Variants in CHFR observed in about 807,000 individuals in gnomAD.
The protein encoded by CHFR is E3 ubiquitin-protein ligase CHFR.
Under a neutral mutation model 87.6 loss-of-function variants are expected in CHFR, and 57 were observed. That is an observed-to-expected ratio of 0.65 (90% CI 0.53 to 0.81). The LOEUF (loss-of-function observed/expected upper bound fraction) is 0.81, where lower values mean the gene tolerates loss of function less well. CHFR is among the 30% of genes least tolerant of loss of function. The pLI is 0.00. For synonymous variants in CHFR, 381 were observed against 359.2 expected, an observed-to-expected ratio of 1.06 and a Z score of -0.69; for missense variants, 797 against 865.8, an observed-to-expected ratio of 0.92 and a Z score of 1.00.
rs926233150 is a variant in CHFR, at chr12:132,844,531, G to A, written c.1736-397C>T. Reference sequence around the variant, plus strand: ...GATCTCCTGACCTCGTGATCCACCCGCCTCGGCCTCCCAAAGTGCTGGGAT... The same window carrying A: ...GATCTCCTGACCTCGTGATCCACCCACCTCGGCCTCCCAAAGTGCTGGGAT... On this transcript the variant is annotated intron_variant, in intron 15 of 17. Coordinates refer to ENST00000450056, the MANE Select transcript of CHFR (RefSeq NM_001161346.2). Among the ~76,000 whole-genome samples the A allele has an allele frequency of 4.0e-5, 6 of 148,656 alleles. 1 individual carries two copies. The highest frequency in any genetic ancestry group is 2.0e-4 in the East Asian group (1 of 5,040).
intron 14 of CHFR, chr12:132,847,874 T>A: frequency 7.1e-7 from 1 of 1,409,778 alleles, no homozygotes; most frequent in Non-Finnish European, 9.2e-7. Context: ...AAAAACGAAA[T>A]ACCTATTTTT....
intron 2 of CHFR, among the ~76,000 whole-genome samples, chr12:132,885,530 A>C (rs1463374226): frequency 6.6e-6 from 1 of 152,148 alleles, no homozygotes; most frequent in Non-Finnish European, 1.5e-5. Flanking sequence ...AATAATCTTA[A>C]AGTTTTTGCT....
intron 6 of CHFR, among the ~76,000 whole-genome samples, chr12:132,864,296 C>T (rs1442234548): frequency 3.9e-5 from 6 of 152,154 alleles, no homozygotes; most frequent in Admixed American, 3.9e-4. Flanking sequence ...GGCCCCCAGC[C>T]GGCACCCACT....
intron 2 of CHFR, among the ~76,000 whole-genome samples, chr12:132,886,436 G>A (rs564614770): frequency 6.0e-4 from 90 of 151,208 alleles, no homozygotes; most frequent in African/African-American, 1.6e-3. Context: ...CCTTTTTAGA[G>A]TATAATGTCG....
chr12:132,838,491 C>G lies in CHFR; in HGVS notation c.*3063G>C, dbSNP rs1421003932. On this transcript the variant is annotated 3_prime_UTR_variant, in exon 18 of 18. Coordinates refer to ENST00000450056, the MANE Select transcript of CHFR (RefSeq NM_001161346.2). ...CACACGGAGGGGTGGGCAGGGCTGA[C>G]CCCCGCTTCTGAGGGGCACCAGGGA... The G allele has an allele frequency of 1.3e-5, 2 of 152,500 alleles. No individual in the cohort carries two copies. Among genetic ancestry groups the G allele is most frequent in the African/African-American group, 4.8e-5 (2 of 41,428 alleles). The allele number at this position is 152,500 out of a possible 1,614,324, so 9.4% of individuals were successfully genotyped here.
intron 6 of CHFR, among the ~76,000 whole-genome samples, chr12:132,863,894 G>A (rs752604410): frequency 3.9e-5 from 6 of 152,104 alleles, no homozygotes; most frequent in Non-Finnish European, 7.3e-5. Context: ...GAGTATCTGG[G>A]ACTACAGGTG....
intron 12 of CHFR, 133 bp downstream of exon 12, chr12:132,851,485 A>T (rs1184498110): frequency 1.9e-6 from 2 of 1,070,570 alleles, no homozygotes; most frequent in African/African-American, 3.2e-5. Flanking sequence ...CGTGGGGAAA[A>T]CTGATCACAC....
chr12:132,848,140 T>A lies in CHFR; in HGVS notation c.1592A>T (p.Asp531Val). The change falls in exon 14 of 18, where the codon GAC becomes GTC. Residue 531 changes from aspartate (D) to valine (V), a missense_variant. Physicochemically the swap from Asp to Val is radical, Grantham distance 152 (BLOSUM62 -3). Around this residue, in one of 2 missense-constraint regions of CHFR, gnomAD observed 200 missense variants for 264.6 expected, o/e 0.76. Coordinates refer to ENST00000450056, the MANE Select transcript of CHFR (RefSeq NM_001161346.2). Reference protein sequence around the residue: ...LAPFCELNLGDKCLDGVLNNN... With the variant: ...LAPFCELNLGVKCLDGVLNNN... ...GTTCAGCACGCCGTCCAGACACTTG[T>A]CACCCAGGTTGAGCTCTGCCGAGAT... 6.2e-7 allele frequency: 1 copy of A among 1,614,148 alleles called. No individual in the cohort carries two copies. Among genetic ancestry groups the A allele is most frequent in the Non-Finnish European group, 8.5e-7 (1 of 1,180,016 alleles).
chr12:132,835,294 C>T lies in CHFR; in HGVS notation c.*6260G>A, dbSNP rs139235080. ...AAACCACCCAATTTTTATAAAACCC[C>T]GTGGCGTGCGAGCTTTGATGGCAGA... is the stretch of plus-strand genomic sequence containing the variant. On this transcript the variant is annotated 3_prime_UTR_variant, in exon 18 of 18. Coordinates refer to ENST00000450056, the MANE Select transcript of CHFR (RefSeq NM_001161346.2). The T allele has an allele frequency of 6.1e-4, 93 of 152,274 alleles. No individual in the cohort carries two copies. Among genetic ancestry groups the T allele is most frequent in the African/African-American group, 2.1e-3 (87 of 41,540 alleles). The allele number at this position is 152,274 out of a possible 1,614,324, so 9.4% of individuals were successfully genotyped here.
chr12:132,877,807 T>C (rs1274594687), intron 2 of CHFR, among the ~76,000 whole-genome samples, 153 bp from the exon 3 acceptor site: 1 of 151,958 alleles, frequency 6.6e-6, no homozygotes, highest in Non-Finnish European at 1.5e-5. Flanking sequence ...TAAAGAAATT[T>C]TTTTTTTTTT....
At chr12:132,863,799 C>A (rs897541749) in intron 6 of CHFR, among the ~76,000 whole-genome samples, 1 of 152,124 alleles carries the variant, frequency 6.6e-6, no homozygotes, top group Non-Finnish European at 1.5e-5. Context: ...TCACTCTTCA[C>A]CCAGGCTGGA....
chr12:132,885,503 T>C (rs934404775), intron 2 of CHFR, among the ~76,000 whole-genome samples: 4 of 152,156 alleles, frequency 2.6e-5, no homozygotes, highest in Non-Finnish European at 4.4e-5. Context: ...GCTATGGTAG[T>C]ATGAACAAAC....
rs1359870309 is a variant in CHFR at position 132,836,659 on chromosome 12, GTGTC to G, written c.*4891_*4894del. 1 of 456,018 alleles carries G rather than the reference GTGTC, an allele frequency of 2.2e-6. No individual in the cohort carries two copies. Among genetic ancestry groups the G allele is most frequent in the Non-Finnish European group, 4.4e-6 (1 of 226,820 alleles). The allele number at this position is 456,018 out of a possible 1,614,324, so 28.2% of individuals were successfully genotyped here. A position where few individuals can be genotyped will look rare whatever the true frequency, so the allele number is the denominator to read the frequency against. On this transcript the variant is annotated 3_prime_UTR_variant, in exon 18 of 18. Transcript: ENST00000450056. ...TCCTTCCACAGACATGCACGACCAA[GTGTC>G]TGCTCTGTGTGAGGAACTTTAAGAC...
At chr12:132,855,999 C>T (rs34435580) in intron 10 of CHFR, among the ~76,000 whole-genome samples, 2,668 of 152,282 alleles carry the variant, frequency 0.018, 38 homozygotes, top group Non-Finnish European at 0.028. Context: ...GTGATGGTGC[C>T]TCTTCTGTAA....
intron 3 of CHFR, among the ~76,000 whole-genome samples, chr12:132,875,757 G>A (rs1381244525): frequency 1.3e-5 from 2 of 152,154 alleles, no homozygotes; most frequent in African/African-American, 4.8e-5. Context: ...TTTATAGTAA[G>A]AAAAAGTCAA....
rs55826641 is a variant in CHFR, at chr12:132,850,964, C to CATATATATATATATATAT, written c.1492+636_1492+653dup. On this transcript the variant is annotated intron_variant, in intron 12 of 17. Coordinates refer to ENST00000450056, the MANE Select transcript of CHFR (RefSeq NM_001161346.2). ...TTTTAATAATAACTGTATGTGTGTG[C>CATATATATATATATATAT]ATATATATATATATATATATATATA... Among the ~76,000 whole-genome samples, 76 of 135,686 alleles carry CATATATATATATATATAT rather than the reference C, an allele frequency of 5.6e-4. 1 individual carries two copies. Among genetic ancestry groups the CATATATATATATATATAT allele is most frequent in the African/African-American group, 2.1e-3 (72 of 35,014 alleles). 89.0% of individuals were successfully genotyped at this position (135,686 alleles called of 152,430 possible). A position where few individuals can be genotyped will look rare whatever the true frequency, so the allele number is the denominator to read the frequency against.
rs112055726 is a variant in CHFR, at chr12:132,860,845, C to T, written c.751+622G>A. On this transcript the variant is annotated intron_variant, in intron 7 of 17. Transcript: ENST00000450056. ...TTGGCTCACTGCAACCTCCACCTGC[C>T]GGGTTCAAGCAATTCTCCTGCCTCA... Among the ~76,000 whole-genome samples, 384 of 152,306 alleles carry T rather than the reference C, an allele frequency of 2.5e-3. 2 individuals are homozygous for T. Among genetic ancestry groups the T allele is most frequent in the Non-Finnish European group, 3.5e-3 (241 of 68,036 alleles).
chr12:132,859,134 T>G lies in CHFR; in HGVS notation c.845A>C (p.Lys282Thr), dbSNP rs1375950961. 1.9e-6 allele frequency: 3 copies of G among 1,614,132 alleles called. No homozygotes were observed. Among genetic ancestry groups the G allele is most frequent in the Non-Finnish European group, 2.5e-6 (3 of 1,179,996 alleles). Reference protein sequence around the residue: ...VHEDVRAAAGKPDKMEETLTC... With the variant: ...VHEDVRAAAGTPDKMEETLTC... ...CAGCGTCTCCTCCATCTTGTCTGGC[T>G]TCCCAGCCGCTGCTCTGACGTCCTC... The change falls in exon 8 of 18, where the codon AAG (lysine) becomes ACG (threonine). Residue 282 changes from lysine (K) to threonine (T), a missense_variant. This residue lies in a region of CHFR where 597 missense variants were observed against 601.2 expected (regional missense o/e 0.99). Coordinates refer to ENST00000450056, the MANE Select transcript of CHFR (RefSeq NM_001161346.2).
chr12:132,884,429 C>A (rs1487153436), intron 2 of CHFR, among the ~76,000 whole-genome samples: 1 of 146,456 alleles, frequency 6.8e-6, no homozygotes, highest in Non-Finnish European at 1.5e-5. Flanking sequence ...AAAAAAAATA[C>A]ATATATATAT....
Sources: allele counts gnomAD v4.1 joint callset (sites outside exome capture counted in the v4.1 genomes callset), GRCh38; gene constraint gnomAD v4.1.1; regional missense constraint gnomAD v4.1.1; transcripts MANE v1.5; gene names NCBI Gene and HGNC (gene_info 2026-07-23, HGNC 2026-07-21).